TLL2: variants seen among roughly 807,000 people sequenced by gnomAD.
TLL2 encodes tolloid like 2, also known as tolloid-like protein 2.
A neutral mutation model predicts 123.0 loss-of-function variants in TLL2; 106 were observed. The ratio of observed to expected loss-of-function variants is 0.86; its 90% confidence interval spans 0.74 to 1.01. The LOEUF is 1.01. Ranked by LOEUF, TLL2 falls within the 50% of genes least tolerant of loss-of-function variation. The pLI is 0.00. For missense variants in TLL2, 1,332 were observed against 1,336.7 expected, an observed-to-expected ratio of 1.00 and a Z score of 0.06; for synonymous variants, 494 against 516.8, an observed-to-expected ratio of 0.96 and a Z score of 0.60.
chr10:96,495,747 T>A (rs938511517), intron 1 of TLL2, among the ~76,000 whole-genome samples: 1 of 152,036 alleles, frequency 6.6e-6, no homozygotes, highest in African/African-American at 2.4e-5. Flanking sequence ...GCCTCCTGGA[T>A]CTTTTGGTTG....
At chr10:96,461,653 T>A (rs971727670) in intron 2 of TLL2, among the ~76,000 whole-genome samples, 7 of 152,232 alleles carry the variant, frequency 4.6e-5, no homozygotes, top group Non-Finnish European at 1.0e-4. Flanking sequence ...TCCCCTGCAC[T>A]GCAACCCTGA....
At chr10:96,398,871 T>TA (rs199504983) in intron 10 of TLL2, among the ~76,000 whole-genome samples, 67 of 143,158 alleles carry the variant, frequency 4.7e-4, no homozygotes, top group South Asian at 9.3e-4. Context: ...AAATATTCTT[T>TA]TTTTTTTTTT....
At chr10:96,410,275 T>A (rs1589415327) in intron 9 of TLL2, 84 bp downstream of exon 9, 2 of 985,906 alleles carry the variant, frequency 2.0e-6, no homozygotes, top group Admixed American at 2.3e-5. Flanking sequence ...CAGCTGTTAT[T>A]TTTACTATTA....
rs1386822636 is a variant in TLL2, at chr10:96,513,627, GGCAGCGGCA to G, written c.50_58del (p.Leu17_Leu19del). 6.3e-7 allele frequency: 1 copy of G among 1,598,998 alleles called. No individual in the cohort carries two copies. The highest frequency in any genetic ancestry group is 8.5e-7 in the Non-Finnish European group (1 of 1,177,714). On this transcript the variant is annotated inframe_deletion, in exon 1 of 21. Coordinates refer to ENST00000357947, the MANE Select transcript of TLL2 (RefSeq NM_012465.4). The stretch of plus-strand genomic sequence containing the variant: ...CTCCCCGAGTCCCCCGGCGCCGCGA[GGCAGCGGCA>G]GCAGCAGCAGCAGTGACACCAGGGC...
At chr10:96,496,305 TA>T (rs1275627643) in intron 1 of TLL2, among the ~76,000 whole-genome samples, 1 of 152,240 alleles carries the variant, frequency 6.6e-6, no homozygotes, top group Non-Finnish European at 1.5e-5. Flanking sequence ...AGTTGAGACC[TA>T]TTTGCCACCT....
In TLL2 at chr10:96,503,469, G is replaced by C. The variant is rs915369492; in HGVS notation, c.175+10042C>G. 5.9e-5 allele frequency among the ~76,000 whole-genome samples: 9 copies of C among 152,170 alleles called. No individual in the cohort carries two copies. The East Asian group carries it at 1.5e-3, about 26-fold the overall frequency. ...TGGTCAAAACTACACAGGAAATAAGGGGGGCAGAGGCAGGTTTAAAGCCAT... is the reference window on the plus strand; with the variant it reads ...TGGTCAAAACTACACAGGAAATAAGCGGGGCAGAGGCAGGTTTAAAGCCAT... On this transcript the variant is annotated intron_variant, in intron 1 of 20. Transcript: ENST00000357947.
chr10:96,457,071 G>C (rs1454074214), intron 2 of TLL2, among the ~76,000 whole-genome samples: 1 of 152,206 alleles, frequency 6.6e-6, no homozygotes, highest in East Asian at 1.9e-4. Flanking sequence ...ATACAAATGG[G>C]AATAATAGGT....
chr10:96,507,320 C>T (rs1272396619), intron 1 of TLL2, among the ~76,000 whole-genome samples: 1 of 152,056 alleles, frequency 6.6e-6, no homozygotes, highest in East Asian at 1.9e-4. Flanking sequence ...GCCCCTGGCC[C>T]TGCCCTCATC....
At chr10:96,462,146 C>T (rs1193340152) in intron 2 of TLL2, among the ~76,000 whole-genome samples, 1 of 152,148 alleles carries the variant, frequency 6.6e-6, no homozygotes, top group African/African-American at 2.4e-5. Flanking sequence ...TTATTGTTAT[C>T]CCCATTTTAC....
intron 17 of TLL2, among the ~76,000 whole-genome samples, 162 bp downstream of exon 17, chr10:96,378,805 G>A (rs1259832691): frequency 6.6e-6 from 1 of 152,220 alleles, no homozygotes; most frequent in Non-Finnish European, 1.5e-5. Context: ...GGAGCGAGAT[G>A]CCCTGGGGAA....
chr10:96,447,603 G>A (rs1846910992), intron 2 of TLL2, among the ~76,000 whole-genome samples: 1 of 152,194 alleles, frequency 6.6e-6, no homozygotes. Flanking sequence ...GAATAACTGG[G>A]TGGGTAGTGA....
intron 2 of TLL2, among the ~76,000 whole-genome samples, chr10:96,461,974 A>G (rs965789118): frequency 1.3e-5 from 2 of 152,246 alleles, no homozygotes; most frequent in African/African-American, 4.8e-5. Flanking sequence ...CATCCTCTGC[A>G]TCTCCACCCA....
intron 4 of TLL2, 143 bp downstream of exon 4, chr10:96,432,664 G>T (rs575639360): frequency 9.4e-7 from 1 of 1,063,652 alleles, no homozygotes; most frequent in Non-Finnish European, 1.3e-6. Flanking sequence ...AGGACTTGCC[G>T]GCAAGAGGGG....
rs1425839295 is a variant in TLL2 at position 96,433,054 on chromosome 10, G to C, written c.365-92C>G. Reference sequence around the variant, plus strand: ...GTATTATCCACAATTCCAAAAAGGGGGTGTTAAAACATGTTCCAAAGGGGC... The same window carrying C: ...GTATTATCCACAATTCCAAAAAGGGCGTGTTAAAACATGTTCCAAAGGGGC... On this transcript the variant is annotated intron_variant, in intron 3 of 20. Transcript: ENST00000357947. 23 of 1,520,996 alleles carry C rather than the reference G, an allele frequency of 1.5e-5. No individual in the cohort carries two copies. The Admixed American group carries it at 3.5e-4, about 23-fold the overall frequency. The allele number at this position is 1,520,996 out of a possible 1,614,324, so 94.2% of individuals were successfully genotyped here.
intron 19 of TLL2, among the ~76,000 whole-genome samples, chr10:96,371,335 A>T (rs112450159): frequency 0.14 from 21,856 of 151,320 alleles, 1,640 homozygotes; most frequent in South Asian, 0.23. Flanking sequence ...AAAAAAAAAA[A>T]GTAAATAAAT....
intron 2 of TLL2, among the ~76,000 whole-genome samples, chr10:96,473,809 AGACT>A (rs1847207584): frequency 6.6e-6 from 1 of 152,182 alleles, no homozygotes; most frequent in South Asian, 2.1e-4. Flanking sequence ...TGCCCAACGC[AGACT>A]TCCTGGACTC....
Position 96,396,012 on chromosome 10 carries a change from C to T in TLL2, c.1393G>A (p.Gly465Arg), listed in dbSNP as rs372472391. The T allele has an allele frequency of 3.1e-5, 50 of 1,613,880 alleles. No homozygotes were observed. Among genetic ancestry groups the T allele is most frequent in the Admixed American group, 1.0e-4 (6 of 59,992 alleles). ...GFFAAYEATC[G>R]GDMNKDAGQI... ...CCGGCATCTTTGTTCATGTCTCCCC[C>T]GCAGGTAGCTTTAGAAAGAGACATC... The change falls in exon 12 of 21, where the codon GGG becomes AGG. Residue 465 changes from glycine to arginine, a missense_variant. Transcript: ENST00000357947.
At chr10:96,478,284 G>A (rs983014833) in intron 2 of TLL2, among the ~76,000 whole-genome samples, 9 of 152,376 alleles carry the variant, frequency 5.9e-5, no homozygotes, top group Admixed American at 6.5e-5. Context: ...GTGGGCCGGC[G>A]TCAAGCCAGT....
rs1193622395 is a variant in TLL2, at chr10:96,513,725, A to C, written c.-40T>G. Reference sequence around the variant, plus strand: ...GGCTGGGGCAGAGGGAGTTGCGTGCACGAAAGCTCAGCTCGGCCGAAAGAC... The same window carrying C: ...GGCTGGGGCAGAGGGAGTTGCGTGCCCGAAAGCTCAGCTCGGCCGAAAGAC... On this transcript the variant is annotated 5_prime_UTR_variant, in exon 1 of 21. Transcript: ENST00000357947. The C allele has an allele frequency of 6.9e-7, 1 of 1,450,428 alleles. No homozygotes were observed. The highest frequency in any genetic ancestry group is 2.7e-5 in the East Asian group (1 of 37,412). The allele number at this position is 1,450,428 out of a possible 1,614,324, so 89.8% of individuals were successfully genotyped here.
Sources: gnomAD v4.1 joint callset for allele counts (sites outside exome capture counted in the v4.1 genomes callset) on GRCh38, gnomAD v4.1.1 for gene constraint, MANE v1.5 for transcripts, NCBI Gene and HGNC (gene_info 2026-07-23, HGNC 2026-07-21) for gene names.